Variants in RPL22 observed in about 807,000 individuals in gnomAD.
RPL22 encodes ribosomal protein L22, also known as large ribosomal subunit protein eL22.
A neutral mutation model predicts 16.2 loss-of-function variants in RPL22; 4 were observed. That is an observed-to-expected ratio of 0.25 (90% CI 0.12 to 0.57). The LOEUF is 0.57. Among genes scored for constraint, RPL22 ranks in the 20% least tolerant of loss-of-function variants. RPL22 has a pLI of 0.92. For missense variants in RPL22, 83 were observed against 156.1 expected (o/e 0.53, Z 2.49); for synonymous variants, 43 against 54.8 (o/e 0.78, Z 0.95).
intron 3 of RPL22, among the ~76,000 whole-genome samples, chr1:6,187,640 CAA>C (rs754464021): frequency 1.1e-4 from 16 of 141,008 alleles, no homozygotes; most frequent in Non-Finnish European, 2.2e-4. Context: ...AAAAAAAAAA[CAA>C]GAGCAGATAA....
Position 6,193,254 on chromosome 1 carries a change from C to T in RPL22, c.118-200G>A, listed in dbSNP as rs902993689. On this transcript the variant is annotated intron_variant, in intron 2 of 3. Transcript: ENST00000234875. The stretch of plus-strand genomic sequence containing the variant: ...ACCTCCCAGACTCAAGTGATCCTCC[C>T]ACCTCAGCCTCTCAAAGTGCTAGGA... Among the ~76,000 whole-genome samples, 50 of 152,132 alleles carry T rather than the reference C, an allele frequency of 3.3e-4. 1 individual carries two copies. Among genetic ancestry groups the T allele is most frequent in the African/African-American group, 1.1e-3 (45 of 41,426 alleles).
intron 2 of RPL22, among the ~76,000 whole-genome samples, chr1:6,194,504 T>G (rs928604077): frequency 3.9e-5 from 6 of 152,234 alleles, no homozygotes; most frequent in Non-Finnish European, 5.9e-5. Flanking sequence ...AAAAAGGACC[T>G]TTTTAGTTGT....
chr1:6,190,108 G>C (rs1252666373), intron 3 of RPL22, among the ~76,000 whole-genome samples: 1 of 152,130 alleles, frequency 6.6e-6, no homozygotes, highest in African/African-American at 2.4e-5. Flanking sequence ...CGCAAGTGAC[G>C]CATGTCAGGA....
chr1:6,191,408 C>T (rs1483013753), intron 3 of RPL22, among the ~76,000 whole-genome samples: 1 of 147,200 alleles, frequency 6.8e-6, no homozygotes, highest in Non-Finnish European at 1.5e-5. Flanking sequence ...TGGCTCACGC[C>T]TGTAATCCCA....
chr1:6,198,448 G>C (rs1167762077), intron 1 of RPL22: 1 of 152,324 alleles, frequency 6.6e-6, no homozygotes, highest in South Asian at 2.1e-4. Flanking sequence ...ATCCTACAAG[G>C]TTCCAGTTTC....
intron 3 of RPL22, among the ~76,000 whole-genome samples, chr1:6,192,095 G>T (rs1318100688): frequency 6.6e-6 from 1 of 151,618 alleles, no homozygotes; most frequent in Non-Finnish European, 1.5e-5. Context: ...TGTCACCCAG[G>T]CTGGCCTGCA....
chr1:6,191,463 C>T (rs1366029635), intron 3 of RPL22, among the ~76,000 whole-genome samples: 17 of 144,128 alleles, frequency 1.2e-4, no homozygotes, highest in Admixed American at 4.2e-4. Flanking sequence ...GTCAGGAGAT[C>T]GAGACCATCC....
intron 1 of RPL22, chr1:6,198,895 G>C (rs1667755270): frequency 6.6e-6 from 1 of 152,252 alleles, no homozygotes; most frequent in Non-Finnish European, 1.5e-5. Flanking sequence ...CCCAACAAAA[G>C]AGGAAAAGTA....
At chr1:6,187,870 G>A (rs1034816915) in intron 3 of RPL22, among the ~76,000 whole-genome samples, 3 of 152,138 alleles carry the variant, frequency 2.0e-5, no homozygotes, top group African/African-American at 7.2e-5. Context: ...TTGTCTGGAT[G>A]ATGAGGACTG....
At chr1:6,192,818 G>T in intron 3 of RPL22, 112 bp downstream of exon 3, 1 of 1,318,960 alleles carries the variant, frequency 7.6e-7, no homozygotes, top group Non-Finnish European at 1.1e-6. Context: ...CATAGTTCCA[G>T]AAATTAACAG....
chr1:6,185,198 T>C lies in RPL22; in HGVS notation c.*1474A>G. The C allele has an allele frequency of 2.5e-6, 1 of 397,596 alleles. No individual in the cohort carries two copies. Among genetic ancestry groups the C allele is most frequent in the Non-Finnish European group, 4.4e-6 (1 of 225,634 alleles). The allele number at this position is 397,596 out of a possible 1,614,324, so 24.6% of individuals were successfully genotyped here. On this transcript the variant is annotated 3_prime_UTR_variant, in exon 4 of 4. Transcript: ENST00000234875. The stretch of plus-strand genomic sequence containing the variant: ...ATGCCAACTTCAGCCCAGGGTTTTT[T>C]CACAACCAAACTAAAAATGACTTAC...
chr1:6,186,623 C>T lies in RPL22; in HGVS notation c.*49G>A, dbSNP rs1667584170. The T allele has an allele frequency of 6.2e-6, 8 of 1,296,322 alleles. No homozygotes were observed. The highest frequency in any genetic ancestry group is 1.5e-5 in the African/African-American group (1 of 64,632). 80.3% of individuals were successfully genotyped at this position (1,296,322 alleles called of 1,614,324 possible). On this transcript the variant is annotated 3_prime_UTR_variant, in exon 4 of 4. Transcript: ENST00000234875. ...ACAAGGATAAACCACCATTTTGGTT[C>T]CCAAGTTTTATTCAAGAACTCATAC... is the stretch of plus-strand genomic sequence containing the variant.
chr1:6,187,344 C>G (rs1186708320), intron 3 of RPL22, among the ~76,000 whole-genome samples: 5 of 151,036 alleles, frequency 3.3e-5, no homozygotes, highest in Non-Finnish European at 7.4e-5. Flanking sequence ...GCCAGGGGCA[C>G]TGGCTCACAC....
intron 2 of RPL22, among the ~76,000 whole-genome samples, chr1:6,197,172 G>C (rs1667731094): frequency 6.6e-6 from 1 of 152,188 alleles, no homozygotes. Flanking sequence ...TGGGATTACA[G>C]GTGCACACCA....
chr1:6,191,891 C>T (rs933432828), intron 3 of RPL22, among the ~76,000 whole-genome samples: 1 of 150,972 alleles, frequency 6.6e-6, no homozygotes, highest in Non-Finnish European at 1.5e-5. Context: ...TCCAAAAACT[C>T]GGGAAGCTGA....
intron 2 of RPL22, among the ~76,000 whole-genome samples, chr1:6,193,717 T>C (rs372619661): frequency 3.9e-4 from 60 of 152,052 alleles, no homozygotes; most frequent in African/African-American, 1.3e-3. Context: ...TCCCAAAGCG[T>C]GGGGATTACA....
intron 2 of RPL22, among the ~76,000 whole-genome samples, chr1:6,194,058 T>C (rs1667686414): frequency 6.6e-6 from 1 of 151,976 alleles, no homozygotes; most frequent in South Asian, 2.1e-4. Flanking sequence ...ATACAAATAT[T>C]AGCCGGGTGT....
At chr1:6,197,627 G>C (rs369645807) in intron 2 of RPL22, 25 bp downstream of exon 2, 1 of 1,482,154 alleles carries the variant, frequency 6.7e-7, no homozygotes, top group Non-Finnish European at 9.4e-7. Flanking sequence ...GTGACCACCC[G>C]AGTGGCAATA....
intron 1 of RPL22, 136 bp from the exon 2 acceptor site, chr1:6,197,892 A>C (rs1667741185): frequency 1.5e-6 from 1 of 689,320 alleles, no homozygotes; most frequent in East Asian, 2.7e-5. Flanking sequence ...CCTTTGCCAG[A>C]GGGCCAAGAG....
Sources: gnomAD v4.1 joint callset for allele counts (sites outside exome capture counted in the v4.1 genomes callset) on GRCh38, gnomAD v4.1.1 for gene constraint, MANE v1.5 for transcripts, NCBI Gene and HGNC (gene_info 2026-07-23, HGNC 2026-07-21) for gene names.